Variants in TBCD observed in about 807,000 individuals in gnomAD.
TBCD encodes tubulin-specific chaperone D.
In TBCD, 105 loss-of-function variants were observed where a neutral mutation model predicts 169.3. That is an observed-to-expected ratio of 0.62 (90% CI 0.53 to 0.73). The LOEUF is 0.73. Ranked by LOEUF, TBCD falls within the 30% of genes least tolerant of loss-of-function variation. The pLI is 0.00. For synonymous variants in TBCD, 700 were observed against 643.9 expected (o/e 1.09, Z -1.32); for missense variants, 1,444 against 1,600.1 (o/e 0.90, Z 1.66).
At position 82,907,765 on chromosome 17, in the gene TBCD, G is replaced by A. The variant is rs199679092; in HGVS notation, c.1927G>A (p.Val643Ile). The change falls in exon 21 of 39, where the codon GTC (valine) becomes ATC (isoleucine). Residue 643 changes from valine (V) to isoleucine (I), a missense_variant. Val to Ile is a conservative substitution (Grantham distance 29). Coordinates refer to ENST00000355528, the MANE Select transcript of TBCD (RefSeq NM_005993.5). ...TCTGTGTTTGAACTTCTGCAGGCCC[G>A]TCACGGACCATCTGGACGAGCAGGC... Reference protein sequence around the residue: ...YKLAAQENRPVTDHLDEQAVQ... With the variant: ...YKLAAQENRPITDHLDEQAVQ... 4.2e-5 allele frequency: 68 copies of A among 1,613,642 alleles called. 1 individual carries two copies. The highest frequency in any genetic ancestry group is 1.5e-4 in the South Asian group (14 of 91,024).
rs74435120 is a variant in TBCD at position 82,854,435 on chromosome 17, A to G, written c.1319-15789A>G. Among the ~76,000 whole-genome samples, 87 of 152,368 alleles carry G rather than the reference A, an allele frequency of 5.7e-4. 1 individual carries two copies. The East Asian group carries it at 0.014, about 25-fold the overall frequency. ...CGGACGCAGGCGCTGCAGGCTCCTT[A>G]TGAGGCTCCACATGGGCGAGACCTG... On this transcript the variant is annotated intron_variant, in intron 13 of 38. Coordinates refer to ENST00000355528, the MANE Select transcript of TBCD (RefSeq NM_005993.5).
rs767510937 is a variant in TBCD, at chr17:82,781,667, C to T, written c.717C>T (p.Ser239=). The stretch of plus-strand genomic sequence containing the variant: ...GGAGCCTGTGCAATCTGGCCCGTTC[C>T]TCCTTCCAGACCATGCAGGGGGTCA... The part of the protein sequence containing the change: ...LDWSLCNLAR[S]SFQTMQGVIT... Residue 239 remains serine (S), a synonymous_variant, in exon 7 of 39, where the codon TCC becomes TCT. Coordinates refer to ENST00000355528, the MANE Select transcript of TBCD (RefSeq NM_005993.5). 8 of 1,613,898 alleles carry T rather than the reference C, an allele frequency of 5.0e-6. No homozygotes were observed. Among genetic ancestry groups the T allele is most frequent in the Non-Finnish European group, 5.9e-6 (7 of 1,179,882 alleles).
chr17:82,940,219 G>GTGCACACA (rs1555672915), intron 37 of TBCD, among the ~76,000 whole-genome samples: 17 of 94,524 alleles, frequency 1.8e-4, no homozygotes, highest in Admixed American at 6.6e-4. Flanking sequence ...ACTTGCACGC[G>GTGCACACA]CGCACACACA....
intron 27 of TBCD, 119 bp downstream of exon 27, chr17:82,925,176 G>T: frequency 7.2e-6 from 6 of 836,518 alleles, no homozygotes; most frequent in Non-Finnish European, 1.1e-5. Flanking sequence ...GCTGGGAGGG[G>T]GTTCCTGGAA....
Position 82,942,601 on chromosome 17 carries a change from C to T in TBCD, c.*138C>T. The T allele has an allele frequency of 8.4e-7, 1 of 1,189,262 alleles. No individual in the cohort carries two copies. 73.7% of individuals were successfully genotyped at this position (1,189,262 alleles called of 1,614,324 possible). ...GCTGGCCCTTGGAGGCTGGCACTAG[C>T]TGACAGCTTTTCCTCTCTGCACCTG... On this transcript the variant is annotated 3_prime_UTR_variant, in exon 39 of 39. Transcript: ENST00000355528.
Position 82,938,257 on chromosome 17 carries a change from G to T in TBCD, c.3369+121G>T, listed in dbSNP as rs1484460081. On this transcript the variant is annotated intron_variant, in intron 36 of 38. Coordinates refer to ENST00000355528, the MANE Select transcript of TBCD (RefSeq NM_005993.5). ...TTCCAGCCGAGCCCCTCTCGTTAAC[G>T]CGCCTGGGTGACGACGCGTCACAGG... The T allele has an allele frequency of 3.5e-6, 4 of 1,147,900 alleles. No individual in the cohort carries two copies. In the Admixed American group the frequency reaches 8.2e-5, roughly 23 times the overall value. The allele number at this position is 1,147,900 out of a possible 1,614,324, so 71.1% of individuals were successfully genotyped here.
At chr17:82,821,844 T>C (rs147475394) in intron 13 of TBCD, among the ~76,000 whole-genome samples, 1 of 152,228 alleles carries the variant, frequency 6.6e-6, no homozygotes, top group Non-Finnish European at 1.5e-5. Context: ...CTAACTCTTA[T>C]CTAAGGTGAT....
At chr17:82,815,084 T>C in intron 13 of TBCD, 150 bp downstream of exon 13, 1 of 1,332,818 alleles carries the variant, frequency 7.5e-7, no homozygotes, top group South Asian at 1.5e-5. Context: ...GCTGCAGCCC[T>C]TCGTCTGAAC....
At chr17:82,875,666 C>T (rs2057918987) in intron 14 of TBCD, among the ~76,000 whole-genome samples, 3 of 152,336 alleles carry the variant, frequency 2.0e-5, no homozygotes, top group Admixed American at 2.0e-4. Flanking sequence ...CAGGATTGTC[C>T]TGGAAAATCA....
chr17:82,825,124 C>G (rs1054687812), intron 13 of TBCD, among the ~76,000 whole-genome samples: 1 of 152,128 alleles, frequency 6.6e-6, no homozygotes, highest in African/African-American at 2.4e-5. Flanking sequence ...TGTGCCACAA[C>G]CATTGTGCTT....
chr17:82,761,950 A>T (rs927628590), intron 2 of TBCD, among the ~76,000 whole-genome samples: 1 of 148,664 alleles, frequency 6.7e-6, no homozygotes. Context: ...GATGGTCTCG[A>T]TCTCCTGACC....
intron 24 of TBCD, chr17:82,921,290 C>T (rs2061406533): frequency 1.0e-5 from 6 of 575,020 alleles, no homozygotes; most frequent in Non-Finnish European, 1.9e-5. Context: ...GTATTTCCCT[C>T]AATAAGAGCT....
chr17:82,938,240 G>A (rs1280247210), intron 36 of TBCD, 104 bp downstream of exon 36: 5 of 1,317,320 alleles, frequency 3.8e-6, no homozygotes, highest in South Asian at 1.3e-5. Flanking sequence ...CTTTCCAGCC[G>A]AGCCCCTCTC....
Position 82,766,444 on chromosome 17 carries a change from C to T in TBCD, c.435+76C>T, listed in dbSNP as rs1024094604. The stretch of plus-strand genomic sequence containing the variant: ...CCTCCCTGCTTGCCCCACCCTGCTG[C>T]ACCTTCCCCTTCCTGTTTCTTTCAT... On this transcript the variant is annotated intron_variant, in intron 4 of 38. Coordinates refer to ENST00000355528, the MANE Select transcript of TBCD (RefSeq NM_005993.5). 1.1e-5 allele frequency: 10 copies of T among 920,230 alleles called. No individual in the cohort carries two copies. In the African/African-American group the frequency reaches 1.3e-4, roughly 12 times the overall value. 57.0% of individuals were successfully genotyped at this position (920,230 alleles called of 1,614,324 possible). A position where few individuals can be genotyped will look rare whatever the true frequency, so the allele number is the denominator to read the frequency against.
intron 24 of TBCD, 198 bp from the exon 25 acceptor site, chr17:82,921,303 C>T: frequency 1.0e-5 from 6 of 590,252 alleles, no homozygotes; most frequent in Non-Finnish European, 1.8e-5. Context: ...TAAGAGCTTA[C>T]ACAATTTAAC....
chr17:82,931,924 C>CTCACTG (rs1316080293), intron 33 of TBCD: 1 of 152,498 alleles, frequency 6.6e-6, no homozygotes, highest in East Asian at 1.9e-4. Context: ...TGAGGTCACT[C>CTCACTG]TCACTGGCGC....
At chr17:82,777,554 G>A (rs991129367) in intron 6 of TBCD, among the ~76,000 whole-genome samples, 1 of 152,344 alleles carries the variant, frequency 6.6e-6, no homozygotes, top group African/African-American at 2.4e-5. Flanking sequence ...CCACTGGACG[G>A]GGGGCCCTTC....
Position 82,945,558 on chromosome 17 carries a change from G to A in TBCD, c.*3095G>A, listed in dbSNP as rs1429225875. On this transcript the variant is annotated 3_prime_UTR_variant, in exon 39 of 39. Transcript: ENST00000355528. ...TCAAGTTGCTTGAATTGTGCCCACAGCATAACATTAAAGAAGAGAACAAAA... is the reference window on the plus strand; with the variant it reads ...TCAAGTTGCTTGAATTGTGCCCACAACATAACATTAAAGAAGAGAACAAAA... 3.3e-5 allele frequency: 5 copies of A among 152,218 alleles called. No homozygotes were observed. Among genetic ancestry groups the A allele is most frequent in the Non-Finnish European group, 7.3e-5 (5 of 68,036 alleles). 9.4% of individuals were successfully genotyped at this position (152,218 alleles called of 1,614,324 possible).
At chr17:82,767,301 C>G (rs893806979) in intron 4 of TBCD, among the ~76,000 whole-genome samples, 1 of 152,160 alleles carries the variant, frequency 6.6e-6, no homozygotes, top group African/African-American at 2.4e-5. Context: ...TCCCTGCTGC[C>G]CTGCACTCCG....
Sources: allele counts gnomAD v4.1 joint callset (sites outside exome capture counted in the v4.1 genomes callset), GRCh38; gene constraint gnomAD v4.1.1; transcripts MANE v1.5; gene names NCBI Gene and HGNC (gene_info 2026-07-23, HGNC 2026-07-21).